The following OXR1 variants were observed in gnomAD, a reference collection of about 807,000 sequenced individuals.
The protein encoded by OXR1 is oxidation resistance 1.
OXR1 carries 41 observed loss-of-function variants against 104.6 expected under a neutral mutation model. The observed-to-expected ratio is 0.39, with a 90% CI of 0.31 to 0.51. The LOEUF (loss-of-function observed/expected upper bound fraction) is 0.51, where lower values mean the gene tolerates loss of function less well. Among genes scored for constraint, OXR1 ranks in the 20% least tolerant of loss-of-function variants. The pLI, the probability that OXR1 is intolerant of heterozygous loss-of-function variation, is 0.77. For missense variants in OXR1, 955 were observed against 1,031.9 expected, an observed-to-expected ratio of 0.93 and a Z score of 1.02; for synonymous variants, 348 against 348.4, an observed-to-expected ratio of 1.00 and a Z score of 0.01.
intron 1 of OXR1, among the ~76,000 whole-genome samples, chr8:106,282,000 C>T (rs1812310118): frequency 6.6e-6 from 1 of 152,002 alleles, no homozygotes; most frequent in Non-Finnish European, 1.5e-5. Flanking sequence ...ATTTTTAAAA[C>T]TCAAACCCAT....
chr8:106,442,904 A>G (rs1819850017), intron 2 of OXR1, among the ~76,000 whole-genome samples: 1 of 150,450 alleles, frequency 6.6e-6, no homozygotes, highest in Admixed American at 6.6e-5. Flanking sequence ...TCATGTCTCT[A>G]TCTTCTTCTT....
chr8:106,518,083 G>A lies in OXR1; in HGVS notation c.24-860G>A, dbSNP rs147315931. ...AGCAAGGCAGAAAAGGGAAGCCAAC[G>A]TACTAGAAAAGCCTAAATCATATTT... is the stretch of plus-strand genomic sequence containing the variant. On this transcript the variant is annotated intron_variant, in intron 2 of 16. Transcript: ENST00000517566. Among the ~76,000 whole-genome samples the A allele has an allele frequency of 3.9e-5, 6 of 152,248 alleles. No individual in the cohort carries two copies. The East Asian group carries it at 7.7e-4, about 20-fold the overall frequency.
At chr8:106,421,388 T>A (rs1320843786) in intron 2 of OXR1, among the ~76,000 whole-genome samples, 2 of 152,158 alleles carry the variant, frequency 1.3e-5, no homozygotes, top group Non-Finnish European at 2.9e-5. Flanking sequence ...CTTAATAGTT[T>A]AAAAAAATAA....
intron 6 of OXR1, among the ~76,000 whole-genome samples, chr8:106,686,530 T>C (rs182783594): frequency 6.6e-6 from 1 of 152,314 alleles, no homozygotes; most frequent in East Asian, 1.9e-4. Flanking sequence ...TTTCTAATTA[T>C]TGGGTTTTAT....
At chr8:106,433,072 C>T (rs1819427380) in intron 2 of OXR1, among the ~76,000 whole-genome samples, 2 of 152,144 alleles carry the variant, frequency 1.3e-5, no homozygotes, top group Non-Finnish European at 2.9e-5. Context: ...TCACTCAGAG[C>T]TGGCTGTGCG....
chr8:106,511,431 G>A (rs1223277931), intron 2 of OXR1, among the ~76,000 whole-genome samples: 2 of 152,112 alleles, frequency 1.3e-5, no homozygotes, highest in Non-Finnish European at 2.9e-5. Flanking sequence ...AACAAGATGT[G>A]CAAACCACAG....
chr8:106,739,540 T>G lies in OXR1; in HGVS notation c.2120T>G (p.Leu707Arg), dbSNP rs1306275917. The change falls in exon 13 of 17, where the codon CTA becomes CGA. Residue 707 changes from leucine (L) to arginine (R), a missense_variant. Around this residue, in one of 2 missense-constraint regions of OXR1, gnomAD observed 849 missense variants for 852.9 expected, o/e 1.00. Coordinates refer to ENST00000517566, the MANE Select transcript of OXR1 (RefSeq NM_001198533.2). The stretch of plus-strand genomic sequence containing the variant: ...GAGTCTGAATCTTTTCGACCAAACC[T>G]AAGTGATCCCAGTGAACTTTTACTG... ...DLESESFRPN[L>R]SDPSELLLPD... The G allele has an allele frequency of 6.2e-7, 1 of 1,613,384 alleles. No homozygotes were observed. Among genetic ancestry groups the G allele is most frequent in the Non-Finnish European group, 8.5e-7 (1 of 1,179,654 alleles).
Position 106,706,563 on chromosome 8 carries a change from C to G in OXR1, c.1042C>G (p.Arg348Gly), listed in dbSNP as rs1395479232. 1.2e-6 allele frequency: 2 copies of G among 1,611,392 alleles called. No homozygotes were observed. The highest frequency in any genetic ancestry group is 1.7e-6 in the Non-Finnish European group (2 of 1,179,354). Residue 348 changes from arginine (R) to glycine (G), a missense_variant, in exon 9 of 17, where the codon CGA becomes GGA. By Grantham distance (125) the Arg-to-Gly change is moderately radical (BLOSUM62 -2). Around this residue, in one of 2 missense-constraint regions of OXR1, gnomAD observed 849 missense variants for 852.9 expected, o/e 1.00. Transcript: ENST00000517566. The part of the protein sequence containing the change: ...VFTESELSPI[R>G]EELVSSDELR... ...CACAGAATCAGAACTTTCCCCTATA[C>G]GAGAGGAGCTTGTATCTTCAGATGA...
At chr8:106,433,944 T>G (rs1819465585) in intron 2 of OXR1, among the ~76,000 whole-genome samples, 1 of 152,208 alleles carries the variant, frequency 6.6e-6, no homozygotes. Context: ...ATTACATTCA[T>G]GATAATAGTG....
chr8:106,497,806 G>GTGTC (rs397820849), intron 2 of OXR1, among the ~76,000 whole-genome samples: 4 of 144,046 alleles, frequency 2.8e-5, no homozygotes, highest in African/African-American at 1.1e-4. Flanking sequence ...GTGTGTGTGT[G>GTGTC]CACACGCGTG....
intron 2 of OXR1, among the ~76,000 whole-genome samples, chr8:106,452,020 C>T (rs866695989): frequency 7.9e-5 from 12 of 152,130 alleles, no homozygotes; most frequent in Non-Finnish European, 1.6e-4. Flanking sequence ...CCACTGTGTG[C>T]TCAGTTTGGG....
chr8:106,277,419 T>C (rs1812094127), intron 1 of OXR1, among the ~76,000 whole-genome samples: 1 of 152,252 alleles, frequency 6.6e-6, no homozygotes, highest in Non-Finnish European at 1.5e-5. Context: ...ACCCTCTTTG[T>C]CCTTGTACTC....
chr8:106,295,038 A>C (rs1244864726), intron 1 of OXR1, among the ~76,000 whole-genome samples: 1 of 152,220 alleles, frequency 6.6e-6, no homozygotes. Flanking sequence ...TTATAACTTC[A>C]GTACCTAATA....
intron 3 of OXR1, among the ~76,000 whole-genome samples, chr8:106,627,870 G>A (rs763285695): frequency 4.6e-5 from 7 of 152,096 alleles, no homozygotes; most frequent in Non-Finnish European, 8.8e-5. Flanking sequence ...GGGCACAGGG[G>A]ATCCACCAGC....
chr8:106,411,559 A>C (rs919664589), intron 2 of OXR1, among the ~76,000 whole-genome samples: 1 of 152,168 alleles, frequency 6.6e-6, no homozygotes, highest in African/African-American at 2.4e-5. Flanking sequence ...CTAAGCTTTC[A>C]TTTTATTCCC....
At chr8:106,720,846 C>T (rs149384562) in intron 11 of OXR1, 1 of 175,816 alleles carries the variant, frequency 5.7e-6, no homozygotes, top group East Asian at 1.9e-4. Context: ...AGTAGTATAG[C>T]TTAAAGGAGT....
intron 3 of OXR1, among the ~76,000 whole-genome samples, chr8:106,568,338 A>G (rs541111407): frequency 2.0e-4 from 31 of 152,276 alleles, no homozygotes; most frequent in African/African-American, 7.5e-4. Context: ...TCACTTATCA[A>G]GTCCTCAATA....
intron 2 of OXR1, among the ~76,000 whole-genome samples, chr8:106,384,501 G>A (rs187624321): frequency 2.6e-5 from 4 of 152,216 alleles, no homozygotes; most frequent in East Asian, 3.9e-4. Flanking sequence ...TAGCTTCATC[G>A]AGTATAAGGA....
intron 1 of OXR1, among the ~76,000 whole-genome samples, chr8:106,298,459 A>T (rs1813096638): frequency 6.6e-6 from 1 of 152,152 alleles, no homozygotes; most frequent in South Asian, 2.1e-4. Context: ...CTCCCACGAC[A>T]TGTGGGGATT....
Sources: allele counts gnomAD v4.1 joint callset (sites outside exome capture counted in the v4.1 genomes callset), GRCh38; gene constraint gnomAD v4.1.1; regional missense constraint gnomAD v4.1.1; transcripts MANE v1.5; gene names NCBI Gene and HGNC (gene_info 2026-07-23, HGNC 2026-07-21).